Variants in QSER1 observed in about 807,000 individuals in gnomAD.
QSER1 encodes glutamine and serine rich 1, also known as glutamine and serine-rich protein 1.
A neutral mutation model predicts 158.5 loss-of-function variants in QSER1; 49 were observed. The ratio of observed to expected loss-of-function variants is 0.31; its 90% CI spans 0.25 to 0.39. The LOEUF (loss-of-function observed/expected upper bound fraction) is 0.39. QSER1 is among the 10% of genes least tolerant of loss of function. QSER1 has a pLI of 1.00. For synonymous variants in QSER1, 650 were observed against 715.5 expected, an observed-to-expected ratio of 0.91 and a Z score of 1.46; for missense variants, 1,754 against 2,010.3, an observed-to-expected ratio of 0.87 and a Z score of 2.44.
rs775712114 is a variant in QSER1, at chr11:32,953,989, A to G, written c.4310A>G (p.Asn1437Ser). 3.1e-6 allele frequency: 5 copies of G among 1,614,042 alleles called. No individual in the cohort carries two copies. In the East Asian group the frequency reaches 1.1e-4, roughly 36 times the overall value. Residue 1437 changes from asparagine (N) to serine (S), a missense_variant, in exon 5 of 13, where the codon AAT becomes AGT. Coordinates refer to ENST00000650167, the MANE Select transcript of QSER1 (RefSeq NM_001076786.3). Reference protein sequence around the residue: ...STSYAVNILENISSSESSKPI... With the variant: ...STSYAVNILESISSSESSKPI... The stretch of plus-strand genomic sequence containing the variant: ...TCATATGCAGTAAATATTCTGGAAA[A>G]TATAAGCTCTTCAGAATCCTCAAAG...
At chr11:32,930,813 G>A (rs1001982099) in intron 3 of QSER1, among the ~76,000 whole-genome samples, 1 of 152,074 alleles carries the variant, frequency 6.6e-6, no homozygotes, top group Non-Finnish European at 1.5e-5. Context: ...AGAACTTTCA[G>A]ATCACAAGGG....
intron 1 of QSER1, among the ~76,000 whole-genome samples, chr11:32,907,993 A>G (rs1851715528): frequency 6.6e-6 from 1 of 152,150 alleles, no homozygotes; most frequent in Non-Finnish European, 1.5e-5. Context: ...TCAGCTACTC[A>G]GGTGGCTGAG....
intron 1 of QSER1, among the ~76,000 whole-genome samples, chr11:32,909,845 A>G (rs11032057): frequency 0.038 from 5,747 of 152,122 alleles, 376 homozygotes; most frequent in African/African-American, 0.13. Context: ...TGACATTATA[A>G]GGTGTATTTT....
chr11:32,892,861 C>CGCCGCA lies in QSER1; in HGVS notation c.-264_-263insCCGCAG, dbSNP rs1392848678. Among the ~76,000 whole-genome samples, 1 of 149,500 alleles carries CGCCGCA rather than the reference C, an allele frequency of 6.7e-6. No individual in the cohort carries two copies. The highest frequency in any genetic ancestry group is 1.5e-5 in the Non-Finnish European group (1 of 67,156). On this transcript the variant is annotated 5_prime_UTR_variant, in exon 1 of 13. Coordinates refer to ENST00000650167, the MANE Select transcript of QSER1 (RefSeq NM_001076786.3). ...GCGCAGCGGCCGCCGCCGCCGCCGC[C>CGCCGCA]GTCGCCGCGAGTCCCGGCCGCGGGT...
At chr11:32,916,992 G>A (rs1192859984) in intron 1 of QSER1, among the ~76,000 whole-genome samples, 1 of 152,172 alleles carries the variant, frequency 6.6e-6, no homozygotes, top group African/African-American at 2.4e-5. Context: ...TTGCCATGCT[G>A]GCCAGGCTGG....
intron 8 of QSER1, among the ~76,000 whole-genome samples, chr11:32,964,739 TACACACACACACACACAC>T (rs1176492165): frequency 5.0e-5 from 5 of 100,758 alleles, no homozygotes; most frequent in Admixed American, 1.0e-4. Flanking sequence ...TATATATATA[TACACACACACACACACAC>T]ACACACACAC....
chr11:32,892,880 C>G lies in QSER1; in HGVS notation c.-246C>G, dbSNP rs1309707556. Among the ~76,000 whole-genome samples the G allele has an allele frequency of 7.1e-6, 1 of 140,386 alleles. No homozygotes were observed. The highest frequency in any genetic ancestry group is 4.5e-3 in the Middle Eastern group (1 of 224). 92.1% of individuals were successfully genotyped at this position (140,386 alleles called of 152,430 possible). A position where few individuals can be genotyped will look rare whatever the true frequency, so the allele number is the denominator to read the frequency against. ...CGCCGCCGTCGCCGCGAGTCCCGGC[C>G]GCGGGTGCCTCCGCTTCCCTGACGC... is the stretch of plus-strand genomic sequence containing the variant. On this transcript the variant is annotated 5_prime_UTR_variant, in exon 1 of 13. Coordinates refer to ENST00000650167, the MANE Select transcript of QSER1 (RefSeq NM_001076786.3).
intron 1 of QSER1, among the ~76,000 whole-genome samples, chr11:32,917,812 ACT>A (rs1851852309): frequency 9.4e-6 from 1 of 105,858 alleles, no homozygotes; most frequent in African/African-American, 3.6e-5. Flanking sequence ...ACAATGTGAG[ACT>A]CTGTCTCAAA....
intron 1 of QSER1, among the ~76,000 whole-genome samples, chr11:32,896,267 TG>T (rs1851554259): frequency 6.6e-6 from 1 of 152,246 alleles, no homozygotes. Flanking sequence ...GGCTGTTTTA[TG>T]GTGATAATCG....
intron 10 of QSER1, among the ~76,000 whole-genome samples, chr11:32,972,064 A>G (rs77578537): frequency 1.0e-5 from 1 of 99,698 alleles, no homozygotes; most frequent in African/African-American, 4.2e-5. Flanking sequence ...CTCCATCTCA[A>G]AAAAAAAAAA....
intron 3 of QSER1, 58 bp downstream of exon 3, chr11:32,928,181 A>G: frequency 9.8e-7 from 1 of 1,017,218 alleles, no homozygotes; most frequent in Non-Finnish European, 1.6e-6. Context: ...AAACATATAC[A>G]TTTGATGGCC....
intron 10 of QSER1, among the ~76,000 whole-genome samples, chr11:32,972,945 G>A (rs928356168): frequency 3.9e-5 from 6 of 152,184 alleles, no homozygotes; most frequent in African/African-American, 7.2e-5. Flanking sequence ...TTTATAGCAA[G>A]GCCCAGCCAC....
At chr11:32,944,513 C>T (rs1321236924) in intron 4 of QSER1, among the ~76,000 whole-genome samples, 11 of 152,104 alleles carry the variant, frequency 7.2e-5, no homozygotes, top group South Asian at 4.2e-4. Context: ...CATTCAGGAG[C>T]AGGTTGTTCA....
At chr11:32,931,247 T>G (rs924896726) in intron 3 of QSER1, among the ~76,000 whole-genome samples, 1 of 152,164 alleles carries the variant, frequency 6.6e-6, no homozygotes, top group Admixed American at 6.6e-5. Context: ...ATTACAGATA[T>G]GAATTGCTGA....
At chr11:32,929,150 C>T (rs534501244) in intron 3 of QSER1, among the ~76,000 whole-genome samples, 4 of 152,106 alleles carry the variant, frequency 2.6e-5, no homozygotes, top group South Asian at 2.1e-4. Flanking sequence ...GTCACTCTGT[C>T]GCCCAGGCTG....
chr11:32,957,129 T>C (rs1176587349), intron 7 of QSER1, among the ~76,000 whole-genome samples: 4 of 150,086 alleles, frequency 2.7e-5, no homozygotes, highest in African/African-American at 4.9e-5. Context: ...TTTTTCTTTT[T>C]TTTTCTTTTT....
chr11:32,942,989 G>C (rs1778022907), intron 4 of QSER1, among the ~76,000 whole-genome samples: 1 of 152,006 alleles, frequency 6.6e-6, no homozygotes, highest in Non-Finnish European at 1.5e-5. Flanking sequence ...TATTCTCTTT[G>C]AAGCAATTGT....
chr11:32,959,833 C>T (rs915152933), intron 8 of QSER1, among the ~76,000 whole-genome samples: 13 of 152,026 alleles, frequency 8.6e-5, no homozygotes, highest in Admixed American at 8.5e-4. Context: ...GCACTCATGA[C>T]TCACTGTAGC....
intron 1 of QSER1, among the ~76,000 whole-genome samples, chr11:32,914,285 C>G (rs1454518884): frequency 6.6e-6 from 1 of 152,178 alleles, no homozygotes; most frequent in Non-Finnish European, 1.5e-5. Flanking sequence ...GTACTTTGCT[C>G]AAAGTCTTGT....
Sources: gnomAD v4.1 joint callset for allele counts (sites outside exome capture counted in the v4.1 genomes callset) on GRCh38, gnomAD v4.1.1 for gene constraint, MANE v1.5 for transcripts, NCBI Gene and HGNC (gene_info 2026-07-23, HGNC 2026-07-21) for gene names.